SCIMP: variants seen among roughly 807,000 people sequenced by gnomAD.
The protein encoded by SCIMP is SLP adapter and CSK-interacting membrane protein.
Under a neutral mutation model 22.0 loss-of-function variants are expected in SCIMP, and 18 were observed. That is an observed-to-expected ratio of 0.82 (90% CI 0.56 to 1.21). The LOEUF (loss-of-function observed/expected upper bound fraction) is 1.21, where lower values mean the gene tolerates loss of function less well. Among genes scored for constraint, SCIMP ranks in the 50% most tolerant of loss-of-function variants. The pLI is 0.00. For synonymous variants in SCIMP, 53 were observed against 62.2 expected, an observed-to-expected ratio of 0.85 and a Z score of 0.70; for missense variants, 155 against 171.2, an observed-to-expected ratio of 0.91 and a Z score of 0.53.
At chr17:5,228,644 CA>C (rs1019636979) in intron 1 of SCIMP, among the ~76,000 whole-genome samples, 77 of 144,924 alleles carry the variant, frequency 5.3e-4, no homozygotes, top group Admixed American at 9.7e-4. Flanking sequence ...GACCCTGTCT[CA>C]AAAAAAAAAG....
intron 1 of SCIMP, among the ~76,000 whole-genome samples, chr17:5,226,701 G>T (rs891234074): frequency 1.3e-5 from 2 of 151,498 alleles, no homozygotes; most frequent in African/African-American, 4.9e-5. Flanking sequence ...TAGAGATGGG[G>T]TTTCACCATG....
intron 1 of SCIMP, among the ~76,000 whole-genome samples, chr17:5,228,328 A>G (rs1410088943): frequency 3.6e-5 from 5 of 138,060 alleles, no homozygotes. Flanking sequence ...CCTGGGTGAC[A>G]GAGCCAAATC....
At chr17:5,229,812 C>A (rs984664758) in intron 1 of SCIMP, among the ~76,000 whole-genome samples, 1 of 151,526 alleles carries the variant, frequency 6.6e-6, no homozygotes, top group Admixed American at 6.6e-5. Context: ...ATCAAGGGAA[C>A]AAGTTCCCCT....
rs1163955556 is a variant in SCIMP, at chr17:5,222,399, A to C, written c.145+934T>G. ...AGCCACCGCGCCCGGCCAGGTTGTT[A>C]TTTAAAGGAATGAGAGGTCAAGATA... On this transcript the variant is annotated intron_variant, in intron 2 of 4. Coordinates refer to ENST00000574081, the MANE Select transcript of SCIMP (RefSeq NM_207103.3). 5.9e-5 allele frequency among the ~76,000 whole-genome samples: 9 copies of C among 151,592 alleles called. 1 individual carries two copies. In the East Asian group the frequency reaches 1.8e-3, roughly 30 times the overall value.
intron 3 of SCIMP, among the ~76,000 whole-genome samples, chr17:5,220,762 A>T (rs1177311234): frequency 1.3e-5 from 2 of 149,132 alleles, no homozygotes; most frequent in Admixed American, 6.7e-5. Context: ...AAAATAAAAA[A>T]AAATAGAACT....
intron 2 of SCIMP, 65 bp from the exon 3 acceptor site, chr17:5,221,415 C>T (rs1312201594): frequency 8.3e-7 from 1 of 1,205,824 alleles, no homozygotes; most frequent in African/African-American, 1.5e-5. Context: ...TTAATTTAAC[C>T]CAGAGAAAAC....
chr17:5,223,079 C>T (rs977318256), intron 2 of SCIMP, among the ~76,000 whole-genome samples: 1 of 152,194 alleles, frequency 6.6e-6, no homozygotes, highest in Non-Finnish European at 1.5e-5. Flanking sequence ...ATTCTGCTTT[C>T]ACCCAGATGA....
chr17:5,211,984 G>A (rs1420127712), intron 4 of SCIMP, among the ~76,000 whole-genome samples: 3 of 151,984 alleles, frequency 2.0e-5, no homozygotes, highest in African/African-American at 7.3e-5. Context: ...GGTGGCAGAG[G>A]TTGCAGTGAG....
chr17:5,221,331 G>T lies in SCIMP; in HGVS notation c.165C>A (p.Ala55=). 6.2e-7 allele frequency: 1 copy of T among 1,613,332 alleles called. No individual in the cohort carries two copies. The change falls in exon 3 of 5, where the codon GCC becomes GCA. Residue 55 remains alanine, a synonymous_variant. Transcript: ENST00000574081. ...CTACTTGCTTGTGTTTCAGGGGCTT[G>T]GCAATTTCCCATTTCTTGCCTAAGA... is the stretch of plus-strand genomic sequence containing the variant. ...QLRRGKKWEI[A]KPLKHKQVDE...
At chr17:5,215,903 A>C (rs1443056748) in intron 3 of SCIMP, among the ~76,000 whole-genome samples, 1 of 152,158 alleles carries the variant, frequency 6.6e-6, no homozygotes, top group Non-Finnish European at 1.5e-5. Flanking sequence ...TAATTATGGT[A>C]AAGTGACTGG....
At chr17:5,215,497 C>G (rs2074559035) in intron 3 of SCIMP, among the ~76,000 whole-genome samples, 1 of 152,100 alleles carries the variant, frequency 6.6e-6, no homozygotes, top group Non-Finnish European at 1.5e-5. Context: ...ACCTGTAATC[C>G]CACCTATTCG....
intron 4 of SCIMP, chr17:5,213,142 A>AC: frequency 1.0e-6 from 1 of 983,918 alleles, no homozygotes; most frequent in Non-Finnish European, 1.2e-6. Flanking sequence ...GCCTAGTGAC[A>AC]CCCCATGTTT....
chr17:5,221,107 G>A (rs1597288585), intron 3 of SCIMP, 180 bp downstream of exon 3: 1 of 695,396 alleles, frequency 1.4e-6, no homozygotes, highest in East Asian at 2.7e-5. Flanking sequence ...GACTTGCCCT[G>A]CATCGACAAT....
intron 1 of SCIMP, among the ~76,000 whole-genome samples, chr17:5,232,391 TATAAACA>T (rs1419262888): frequency 6.6e-5 from 10 of 151,654 alleles, no homozygotes; most frequent in South Asian, 4.2e-4. Context: ...AACAGTGCAG[TATAAACA>T]GTATAAACAG....
intron 1 of SCIMP, among the ~76,000 whole-genome samples, chr17:5,232,386 T>TGCAGTGTAAACAGC (rs2074707689): frequency 6.6e-6 from 1 of 152,066 alleles, no homozygotes; most frequent in Non-Finnish European, 1.5e-5. Flanking sequence ...GTATAAACAG[T>TGCAGTGTAAACAGC]GCAGTATAAA....
intron 2 of SCIMP, among the ~76,000 whole-genome samples, chr17:5,222,021 G>A (rs900119815): frequency 6.6e-6 from 1 of 151,628 alleles, no homozygotes; most frequent in Non-Finnish European, 1.5e-5. Flanking sequence ...TGATCCACCC[G>A]CCTCAGCCTC....
At chr17:5,223,842 G>A (rs2074626966) in intron 1 of SCIMP, among the ~76,000 whole-genome samples, 1 of 152,124 alleles carries the variant, frequency 6.6e-6, no homozygotes, top group African/African-American at 2.4e-5. Context: ...GAGCCACCGT[G>A]CCCAGCTAAT....
intron 4 of SCIMP, among the ~76,000 whole-genome samples, chr17:5,212,334 TAA>T (rs1852547958): frequency 6.6e-6 from 1 of 151,970 alleles, no homozygotes; most frequent in Admixed American, 6.6e-5. Context: ...CACAGAGGAA[TAA>T]AAATGTACCT....
chr17:5,223,319 A>G lies in SCIMP; in HGVS notation c.145+14T>C. ...GGCTCCTCCCTCCACCTGCCTAGGT[A>G]AAATGGCCATTACCTCGTCTAAGCT... On this transcript the variant is annotated intron_variant, in intron 2 of 4. Coordinates refer to ENST00000574081, the MANE Select transcript of SCIMP (RefSeq NM_207103.3). The G allele has an allele frequency of 1.9e-6, 3 of 1,613,188 alleles. No homozygotes were observed. Among genetic ancestry groups the G allele is most frequent in the Non-Finnish European group, 1.7e-6 (2 of 1,179,574 alleles).
Sources: gnomAD v4.1 joint callset for allele counts (sites outside exome capture counted in the v4.1 genomes callset) on GRCh38, gnomAD v4.1.1 for gene constraint, MANE v1.5 for transcripts, NCBI Gene and HGNC (gene_info 2026-07-23, HGNC 2026-07-21) for gene names.